TUBGCP2: variants seen among roughly 807,000 people sequenced by gnomAD.
TUBGCP2 encodes the protein gamma-tubulin complex component 2.
In TUBGCP2, 55 loss-of-function variants were observed where a neutral mutation model predicts 92.2. The observed-to-expected ratio is 0.60, with a 90% CI of 0.48 to 0.75. The LOEUF (loss-of-function observed/expected upper bound fraction) is 0.75. TUBGCP2 is among the 30% of genes least tolerant of loss of function. The pLI is 0.00. For missense variants in TUBGCP2, 1,093 were observed against 1,188.9 expected, an observed-to-expected ratio of 0.92 and a Z score of 1.19; for synonymous variants, 533 against 505.2, an observed-to-expected ratio of 1.06 and a Z score of -0.74.
chr10:133,311,699 C>T (rs556127105), upstream of TUBGCP2: 251 of 1,608,204 alleles, frequency 1.6e-4, 4 homozygotes, highest in South Asian at 2.2e-3. Flanking sequence ...CAGTTACTCA[C>T]TGCTCTCTCC....
At chr10:133,309,143 CCTACGGCG>C, upstream of TUBGCP2, 1 of 1,388,422 alleles carries the variant, frequency 7.2e-7, no homozygotes, top group Non-Finnish European at 9.4e-7. Flanking sequence ...TCCAGTGGGG[CCTACGGCG>C]GCGAGGCGGG....
intron 1 of TUBGCP2, among the ~76,000 whole-genome samples, chr10:133,307,973 T>A (rs1847867137): frequency 6.6e-6 from 1 of 152,160 alleles, no homozygotes; most frequent in African/African-American, 2.4e-5. Context: ...GGGGCAGGCA[T>A]GGTGGCTCAC....
upstream of TUBGCP2, chr10:133,309,317 G>A (rs1415246068): frequency 6.5e-7 from 1 of 1,533,206 alleles, no homozygotes; most frequent in Non-Finnish European, 8.9e-7. Flanking sequence ...GGGGCCACGG[G>A]TGTGGGCGAG....
chr10:133,295,987 CT>C (rs932574556), intron 5 of TUBGCP2: 5 of 152,564 alleles, frequency 3.3e-5, no homozygotes, highest in African/African-American at 1.2e-4. Context: ...GGAGGCACCC[CT>C]GGGACCTGTG....
rs144144958 is a variant in TUBGCP2, at chr10:133,306,691, G to A, written c.-40+2132C>T. 3.6e-3 allele frequency among the ~76,000 whole-genome samples: 544 copies of A among 152,206 alleles called. 5 individuals carry two copies. Among genetic ancestry groups the A allele is most frequent in the African/African-American group, 0.012 (511 of 41,524 alleles). Reference sequence around the variant, plus strand: ...TAGTCGCAGATACTCCAGAGGCTGGGGCAGGAGAATGGCATGAACCCGAGA... The same window carrying A: ...TAGTCGCAGATACTCCAGAGGCTGGAGCAGGAGAATGGCATGAACCCGAGA... On this transcript the variant is annotated intron_variant, in intron 1 of 17. Transcript: ENST00000252936.
chr10:133,297,947 C>A lies in TUBGCP2; in HGVS notation c.616+5G>T. Reference sequence around the variant, plus strand: ...GCAGAGCCCGGAAATCAACGCATCACGTACCTATCGGCAAAGCGGTGTCTG... The same window carrying A: ...GCAGAGCCCGGAAATCAACGCATCAAGTACCTATCGGCAAAGCGGTGTCTG... On this transcript the variant is annotated splice_donor_5th_base_variant and intron_variant, in intron 5 of 17. Transcript: ENST00000252936. 1 of 1,612,798 alleles carries A rather than the reference C, an allele frequency of 6.2e-7. No homozygotes were observed. Among genetic ancestry groups the A allele is most frequent in the Non-Finnish European group, 8.5e-7 (1 of 1,179,664 alleles).
At chr10:133,297,333 G>A (rs1048892170) in intron 5 of TUBGCP2, 28 of 403,910 alleles carry the variant, frequency 6.9e-5, no homozygotes, top group Admixed American at 2.1e-4. Context: ...GGGAGGTGGA[G>A]GTTGCAGTGT....
In TUBGCP2 at chr10:133,279,816, G is replaced by A. The variant is rs115617045; in HGVS notation, c.2659C>T (p.Leu887=). The change falls in exon 18 of 18, where the codon CTG becomes TTG. Residue 887 remains leucine (L), a synonymous_variant. Transcript: ENST00000252936. ...SQKATPQVPV[L]RGPPAPAPRV... is the part of the protein sequence containing the mutation. ...GGTGCAGGAGCCGGGGGCCCCCGCA[G>A]GACAGGCACTTGGGGGGTGGCCTTC... The A allele has an allele frequency of 4.6e-4, 738 of 1,587,138 alleles. 2 individuals carry two copies. In the African/African-American group the frequency reaches 9.0e-3, roughly 19 times the overall value.
At chr10:133,290,491 C>CAAAAAAAAAAAGAAA (rs1847257289) in intron 8 of TUBGCP2, 2 of 102,226 alleles carry the variant, frequency 2.0e-5, no homozygotes, top group Non-Finnish European at 2.1e-5. Flanking sequence ...GACTCTGCCT[C>CAAAAAAAAAAAGAAA]AAAAAAAAAA....
chr10:133,306,833 G>A (rs559959012), intron 1 of TUBGCP2, among the ~76,000 whole-genome samples: 30 of 152,198 alleles, frequency 2.0e-4, no homozygotes, highest in African/African-American at 6.3e-4. Flanking sequence ...AGGAAACTTC[G>A]TATCTCTTCT....
chr10:133,307,127 A>G (rs911020377), intron 1 of TUBGCP2, among the ~76,000 whole-genome samples: 1 of 152,254 alleles, frequency 6.6e-6, no homozygotes, highest in African/African-American at 2.4e-5. Flanking sequence ...GCTCTGAGGA[A>G]CATCTAGCCG....
chr10:133,293,057 CCATGGTGCG>C lies in TUBGCP2; in HGVS notation c.997_1005del (p.Arg333_Met335del). 6.2e-7 allele frequency: 1 copy of C among 1,613,366 alleles called. No homozygotes were observed. The highest frequency in any genetic ancestry group is 8.5e-7 in the Non-Finnish European group (1 of 1,179,986). On this transcript the variant is annotated inframe_deletion, in exon 7 of 18. Transcript: ENST00000252936. ...CACGCACCGAGGGAGGCCAGGATGT[CCATGGTGCG>C]CATGGCTGGCTGGATGTAGAACCAG... is the stretch of plus-strand genomic sequence containing the variant.
chr10:133,285,659 C>T lies in TUBGCP2; in HGVS notation c.1723-31G>A. ...AGGGAAGGAAATGAAACAAAGCATC[C>T]AGTTTTAAGGAAAAGACCCGAAGTC... On this transcript the variant is annotated intron_variant, in intron 11 of 17. Coordinates refer to ENST00000252936, the MANE Select transcript of TUBGCP2 (RefSeq NM_006659.4). This position sits in a 1 kb window ranked among gnomAD's most constrained non-coding sequence, Gnocchi z 6.8. The T allele has an allele frequency of 6.7e-7, 1 of 1,494,458 alleles. No homozygotes were observed. The highest frequency in any genetic ancestry group is 2.3e-5 in the East Asian group (1 of 43,372). The allele number at this position is 1,494,458 out of a possible 1,614,324, so 92.6% of individuals were successfully genotyped here. A position where few individuals can be genotyped will look rare whatever the true frequency, so the allele number is the denominator to read the frequency against.
At chr10:133,287,682 A>G (rs888800561) in intron 11 of TUBGCP2, among the ~76,000 whole-genome samples, 13 of 149,598 alleles carry the variant, frequency 8.7e-5, no homozygotes, top group African/African-American at 3.2e-4. Flanking sequence ...TGGAGGCTGC[A>G]GTGAGCTGAG....
At chr10:133,280,032 G>A (rs1190616728) in intron 17 of TUBGCP2, 131 bp from the exon 18 acceptor site, 5 of 1,410,744 alleles carry the variant, frequency 3.5e-6, no homozygotes, top group Non-Finnish European at 4.8e-6. Context: ...CAGCAGGGGT[G>A]AGGAAGGACA....
intron 4 of TUBGCP2, among the ~76,000 whole-genome samples, chr10:133,298,345 C>T (rs930580936): frequency 6.7e-6 from 1 of 149,996 alleles, no homozygotes; most frequent in African/African-American, 2.5e-5. Flanking sequence ...CTCAGGAGTG[C>T]AGGTCCTGCA....
chr10:133,303,954 G>A (rs1847744541), intron 1 of TUBGCP2, among the ~76,000 whole-genome samples: 1 of 152,210 alleles, frequency 6.6e-6, no homozygotes, highest in Non-Finnish European at 1.5e-5. Flanking sequence ...CCTGGGTCAG[G>A]GGGCAGGGTG....
At chr10:133,309,219 A>T (rs1847924125), upstream of TUBGCP2, 2 of 1,239,836 alleles carry the variant, frequency 1.6e-6, no homozygotes, top group Non-Finnish European at 2.1e-6. Context: ...AGCCTGGGAC[A>T]GGCGGGACCT....
intron 3 of TUBGCP2, 111 bp downstream of exon 3, chr10:133,299,874 T>C: frequency 2.1e-6 from 3 of 1,430,520 alleles, no homozygotes; most frequent in Admixed American, 2.1e-5. Context: ...GCGTTACTGG[T>C]GTGAGCGAGG....
Sources: allele counts gnomAD v4.1 joint callset (sites outside exome capture counted in the v4.1 genomes callset), GRCh38; gene constraint gnomAD v4.1.1; non-coding constraint Gnocchi (gnomAD v3.1); transcripts MANE v1.5; gene names NCBI Gene and HGNC (gene_info 2026-07-23, HGNC 2026-07-21).